Variants in MTSS1 observed in about 807,000 individuals in gnomAD.
MTSS1 encodes the protein MTSS I-BAR domain containing 1, also known as protein MTSS 1.
A neutral mutation model predicts 79.0 loss-of-function variants in MTSS1; 18 were observed. That is an observed-to-expected ratio of 0.23 (90% CI 0.16 to 0.34). The LOEUF (loss-of-function observed/expected upper bound fraction) is 0.34. MTSS1 is among the 10% of genes least tolerant of loss of function. The pLI, the probability that MTSS1 is intolerant of heterozygous loss-of-function variation, is 1.00. For synonymous variants in MTSS1, 341 were observed against 368.6 expected, an observed-to-expected ratio of 0.93 and a Z score of 0.86; for missense variants, 815 against 986.2, an observed-to-expected ratio of 0.83 and a Z score of 2.33.
chr8:124,564,722 C>CACACACACACACACACACACACACA (rs1563758680), intron 9 of MTSS1: 1 of 150,716 alleles, frequency 6.6e-6, no homozygotes, highest in Non-Finnish European at 1.5e-5. Flanking sequence ...CACACACAGT[C>CACACACACACACACACACACACACA]GACAGAAGAT....
chr8:124,627,954 G>A (rs571609398), intron 3 of MTSS1, among the ~76,000 whole-genome samples: 1 of 152,302 alleles, frequency 6.6e-6, no homozygotes, highest in South Asian at 2.1e-4. Context: ...ATTACTTGAG[G>A]TCAGGAGTTA....
chr8:124,711,915 T>G (rs1349849212), intron 1 of MTSS1, among the ~76,000 whole-genome samples: 1 of 148,230 alleles, frequency 6.7e-6, no homozygotes, highest in African/African-American at 2.5e-5. Flanking sequence ...GGCTAAGGCA[T>G]GAAAATCGCT....
At chr8:124,635,233 A>G (rs1471702410) in intron 3 of MTSS1, among the ~76,000 whole-genome samples, 2 of 152,220 alleles carry the variant, frequency 1.3e-5, no homozygotes, top group Admixed American at 6.5e-5. Context: ...AAGGAATAGC[A>G]TTTCAGAGAA....
chr8:124,712,973 A>G (rs57679308), intron 1 of MTSS1, among the ~76,000 whole-genome samples: 2,905 of 152,278 alleles, frequency 0.019, 102 homozygotes, highest in African/African-American at 0.067. Context: ...CTCCACTTAA[A>G]ATAAAAATAA....
chr8:124,618,343 A>C (rs1812808652), intron 3 of MTSS1, among the ~76,000 whole-genome samples: 1 of 152,174 alleles, frequency 6.6e-6, no homozygotes. Flanking sequence ...ACCCAAAACA[A>C]ACTTTTCTGT....
intron 3 of MTSS1, among the ~76,000 whole-genome samples, chr8:124,632,414 CA>C (rs1388309581): frequency 4.6e-5 from 7 of 151,658 alleles, no homozygotes; most frequent in African/African-American, 1.7e-4. Context: ...TTTGGGAGGC[CA>C]AAGCAGGAGA....
At chr8:124,630,248 T>C (rs1240992621) in intron 3 of MTSS1, among the ~76,000 whole-genome samples, 1 of 152,080 alleles carries the variant, frequency 6.6e-6, no homozygotes, top group Admixed American at 6.6e-5. Flanking sequence ...GCCCACCCCA[T>C]GCCACTGGGC....
intron 3 of MTSS1, among the ~76,000 whole-genome samples, chr8:124,618,107 G>A (rs1253999294): frequency 2.6e-5 from 4 of 152,058 alleles, no homozygotes; most frequent in African/African-American, 9.7e-5. Flanking sequence ...GAACAGAGAG[G>A]GTAAGGAACC....
Position 124,727,543 on chromosome 8 carries a change from CG to C in MTSS1, c.72+340del, listed in dbSNP as rs1459950027. The C allele has an allele frequency of 2.1e-6, 1 of 487,070 alleles. No homozygotes were observed. The highest frequency in any genetic ancestry group is 4.0e-6 in the Non-Finnish European group (1 of 247,714). The allele number at this position is 487,070 out of a possible 1,614,324, so 30.2% of individuals were successfully genotyped here. On this transcript the variant is annotated intron_variant, in intron 1 of 13. Transcript: ENST00000518547. This position sits in a 1 kb window ranked among gnomAD's most constrained non-coding sequence, Gnocchi z 4.7. ...TGTCCTCCCGGGCATCCAGCCCCCG[CG>C]GGTCCCAGACACTTACTTCAGGGAC... is the stretch of plus-strand genomic sequence containing the variant.
At chr8:124,724,041 G>A (rs1363719356) in intron 1 of MTSS1, among the ~76,000 whole-genome samples, 1 of 152,106 alleles carries the variant, frequency 6.6e-6, no homozygotes, top group Non-Finnish European at 1.5e-5. Flanking sequence ...AGCTCTCCAA[G>A]GGCAGAGCCT....
At chr8:124,652,248 A>T (rs955698310) in intron 3 of MTSS1, among the ~76,000 whole-genome samples, 1 of 152,166 alleles carries the variant, frequency 6.6e-6, no homozygotes, top group Non-Finnish European at 1.5e-5. Context: ...ATCTTGGCTC[A>T]CTGCAACCTC....
At chr8:124,601,407 T>A (rs61446370) in intron 3 of MTSS1, among the ~76,000 whole-genome samples, 5,271 of 152,222 alleles carry the variant, frequency 0.035, 321 homozygotes, top group African/African-American at 0.12. Context: ...AACAGTTGCA[T>A]CACCAGCTTC....
chr8:124,570,459 G>T (rs1044733285), intron 6 of MTSS1, among the ~76,000 whole-genome samples: 2 of 152,098 alleles, frequency 1.3e-5, no homozygotes, highest in Non-Finnish European at 2.9e-5. Flanking sequence ...GACTACATTC[G>T]CATGACTTTT....
Position 124,557,821 on chromosome 8 carries a change from T to C in MTSS1, c.1090A>G (p.Thr364Ala). ...CAATGAGGGAAAAGGCCTGCACCCG[T>C]GGGCCCCACGTGGGACTCACTTGAT... ...SLSSESHVGP[T>A]GAGLFPHCLP... is the part of the protein sequence containing the mutation. The change falls in exon 11 of 14, where the codon ACG becomes GCG. Residue 364 changes from threonine (T) to alanine (A), a missense_variant. Thr to Ala is a moderately conservative substitution (Grantham distance 58). Transcript: ENST00000518547. 1.3e-6 allele frequency: 2 copies of C among 1,595,648 alleles called. No individual in the cohort carries two copies. The highest frequency in any genetic ancestry group is 1.1e-5 in the South Asian group (1 of 88,822).
chr8:124,591,122 G>A, intron 4 of MTSS1, 29 bp downstream of exon 4: 1 of 1,596,192 alleles, frequency 6.3e-7, no homozygotes, highest in Non-Finnish European at 8.6e-7. Flanking sequence ...CAAGGGTGTT[G>A]GCGATCGGGG....
chr8:124,651,778 T>C (rs996812989), intron 3 of MTSS1, among the ~76,000 whole-genome samples: 3 of 152,134 alleles, frequency 2.0e-5, no homozygotes, highest in Non-Finnish European at 2.9e-5. Context: ...GTTACCCTGA[T>C]CCCCAGACTC....
intron 3 of MTSS1, among the ~76,000 whole-genome samples, chr8:124,675,634 G>A (rs749051315): frequency 5.9e-5 from 9 of 152,064 alleles, no homozygotes; most frequent in Non-Finnish European, 1.2e-4. Context: ...AACCCCCATG[G>A]CCACTAAGCA....
At chr8:124,603,554 C>G (rs1055386694) in intron 3 of MTSS1, among the ~76,000 whole-genome samples, 1 of 152,202 alleles carries the variant, frequency 6.6e-6, no homozygotes, top group Non-Finnish European at 1.5e-5. Flanking sequence ...CTGGCTTCAT[C>G]AGCATTTTAT....
chr8:124,562,041 A>G (rs938105596), intron 10 of MTSS1, among the ~76,000 whole-genome samples: 1 of 152,166 alleles, frequency 6.6e-6, no homozygotes, highest in Non-Finnish European at 1.5e-5. Flanking sequence ...AGCATTCTGT[A>G]TGTAGAGCTA....
Sources: gnomAD v4.1 joint callset for allele counts (sites outside exome capture counted in the v4.1 genomes callset) on GRCh38, gnomAD v4.1.1 for gene constraint, Gnocchi (gnomAD v3.1) non-coding constraint, MANE v1.5 for transcripts, NCBI Gene and HGNC (gene_info 2026-07-23, HGNC 2026-07-21) for gene names.